OPN5: variants seen among roughly 807,000 people sequenced by gnomAD.
The protein encoded by OPN5 is opsin-5.
In OPN5, 18 loss-of-function variants were observed where a neutral mutation model predicts 41.7. The ratio of observed to expected loss-of-function variants is 0.43; its 90% confidence interval spans 0.30 to 0.64. The LOEUF (loss-of-function observed/expected upper bound fraction) is 0.64, where lower values mean the gene tolerates loss of function less well. Ranked by LOEUF, OPN5 falls within the 30% of genes least tolerant of loss-of-function variation. The pLI, the probability that OPN5 is intolerant of heterozygous loss-of-function variation, is 0.13. For missense variants in OPN5, 318 were observed against 434.5 expected, an observed-to-expected ratio of 0.73 and a Z score of 2.38; for synonymous variants, 178 against 164.3, an observed-to-expected ratio of 1.08 and a Z score of -0.64.
downstream of OPN5, chr6:47,824,844 G>A (rs1762745171): frequency 6.6e-6 from 1 of 150,574 alleles, no homozygotes; most frequent in Admixed American, 6.6e-5. Flanking sequence ...TTTGTCAAAT[G>A]CGATTGAAAT....
chr6:47,785,128 T>G (rs1773164294), intron 1 of OPN5, among the ~76,000 whole-genome samples: 1 of 152,232 alleles, frequency 6.6e-6, no homozygotes, highest in African/African-American at 2.4e-5. Context: ...GAAAGGTGTT[T>G]CAATGAGCCT....
chr6:47,803,078 T>G (rs1773836376), intron 4 of OPN5, among the ~76,000 whole-genome samples: 2 of 152,164 alleles, frequency 1.3e-5, no homozygotes, highest in Admixed American at 6.5e-5. Context: ...GGAGGAAGGT[T>G]TAGGATAGTT....
At chr6:47,820,453 A>T (rs910016756) in intron 6 of OPN5, among the ~76,000 whole-genome samples, 1 of 152,194 alleles carries the variant, frequency 6.6e-6, no homozygotes, top group African/African-American at 2.4e-5. Context: ...TTCTTCTTTC[A>T]TCTCGCTTGA....
chr6:47,785,690 C>CT (rs1263106333), intron 1 of OPN5, among the ~76,000 whole-genome samples: 1 of 152,152 alleles, frequency 6.6e-6, no homozygotes, highest in Non-Finnish European at 1.5e-5. Flanking sequence ...GGGATTGGGT[C>CT]TTTTTGGATT....
At chr6:47,787,929 C>T (rs1773242396) in intron 2 of OPN5, among the ~76,000 whole-genome samples, 1 of 152,124 alleles carries the variant, frequency 6.6e-6, no homozygotes, top group Admixed American at 6.5e-5. Flanking sequence ...TTGTTTCTCT[C>T]TTCGCAAGTG....
intron 6 of OPN5, among the ~76,000 whole-genome samples, chr6:47,814,762 C>T (rs903931014): frequency 4.6e-5 from 7 of 152,106 alleles, no homozygotes; most frequent in African/African-American, 1.7e-4. Flanking sequence ...TCAATTTTAG[C>T]TTAGAAAAGA....
Position 47,795,213 on chromosome 6 carries a change from T to G in OPN5, c.422-16T>G. Reference sequence around the variant, plus strand: ...GGGCAGATTACATCCGGGTAATGCTTTTCTTCCGCCTCCAGGGGTTTGGCT... The same window carrying G: ...GGGCAGATTACATCCGGGTAATGCTGTTCTTCCGCCTCCAGGGGTTTGGCT... On this transcript the variant is annotated splice_polypyrimidine_tract_variant and intron_variant, in intron 3 of 6. Transcript: ENST00000371211. 7.0e-6 allele frequency: 11 copies of G among 1,561,584 alleles called. No homozygotes were observed. Among genetic ancestry groups the G allele is most frequent in the Non-Finnish European group, 9.5e-6 (11 of 1,152,630 alleles).
intron 3 of OPN5, among the ~76,000 whole-genome samples, chr6:47,793,106 C>T (rs1773437889): frequency 2.0e-5 from 3 of 151,364 alleles, no homozygotes; most frequent in East Asian, 1.9e-4. Flanking sequence ...TTCTGTGTGA[C>T]GTCAACATCT....
At chr6:47,805,717 T>C (rs1773934173) in intron 4 of OPN5, among the ~76,000 whole-genome samples, 1 of 152,110 alleles carries the variant, frequency 6.6e-6, no homozygotes, top group African/African-American at 2.4e-5. Context: ...ATTAACTGTC[T>C]AAAACAAAAA....
At chr6:47,815,888 T>G (rs907268036) in intron 6 of OPN5, among the ~76,000 whole-genome samples, 3 of 152,162 alleles carry the variant, frequency 2.0e-5, no homozygotes, top group African/African-American at 7.2e-5. Flanking sequence ...AAAAGTACTT[T>G]AAGAAATTTC....
At chr6:47,798,894 T>A (rs570614375) in intron 4 of OPN5, among the ~76,000 whole-genome samples, 24 of 152,262 alleles carry the variant, frequency 1.6e-4, no homozygotes, top group Admixed American at 8.5e-4. Context: ...GTCAAATTGC[T>A]TGCTCTCTTG....
rs575868359 is a variant in OPN5 at position 47,824,003 on chromosome 6, G to A, written c.*12G>A. 102 of 1,548,462 alleles carry A rather than the reference G, an allele frequency of 6.6e-5. 1 individual carries two copies. The South Asian group carries it at 1.2e-3, about 18-fold the overall frequency. On this transcript the variant is annotated 3_prime_UTR_variant, in exon 7 of 7. Transcript: ENST00000371211. ...TACAGTGGGAATAACAAATGTTCTG[G>A]TTGTGAAGAGTGCATCTGAAGTGCT...
At chr6:47,799,543 G>A (rs1330318321) in intron 4 of OPN5, among the ~76,000 whole-genome samples, 1 of 152,136 alleles carries the variant, frequency 6.6e-6, no homozygotes, top group Non-Finnish European at 1.5e-5. Flanking sequence ...GGGTCACTTT[G>A]CATCTTTGTT....
rs1216897078 is a variant in OPN5, at chr6:47,808,139, G to T, written c.757-15G>T. On this transcript the variant is annotated splice_polypyrimidine_tract_variant and intron_variant, in intron 4 of 6. Transcript: ENST00000371211. The stretch of plus-strand genomic sequence containing the variant: ...AGTCATCTTGATTCTTTTCTCTGTT[G>T]CTTTCCCTCATCAGGTAGCGATGTT... The T allele has an allele frequency of 1.9e-6, 3 of 1,613,476 alleles. No homozygotes were observed. Among genetic ancestry groups the T allele is most frequent in the Non-Finnish European group, 2.5e-6 (3 of 1,179,648 alleles).
At chr6:47,824,155 C>T (rs1308620930) in exon 7 of OPN5, 1 of 632,558 alleles carries the variant, frequency 1.6e-6, no homozygotes, top group Non-Finnish European at 2.9e-6. Flanking sequence ...ATGATGCACC[C>T]TAGGAGTATC....
intron 4 of OPN5, among the ~76,000 whole-genome samples, chr6:47,796,471 A>T (rs1203086684): frequency 1.3e-5 from 2 of 152,234 alleles, no homozygotes; most frequent in Non-Finnish European, 2.9e-5. Flanking sequence ...TGCCATCAAT[A>T]TAAATGACAT....
chr6:47,812,619 G>T (rs552864841), intron 6 of OPN5, among the ~76,000 whole-genome samples: 1 of 152,260 alleles, frequency 6.6e-6, no homozygotes, highest in African/African-American at 2.4e-5. Flanking sequence ...AAGGCACGTA[G>T]ATACTATGTC....
At chr6:47,783,301 G>C (rs1458625850) in intron 1 of OPN5, among the ~76,000 whole-genome samples, 1 of 152,028 alleles carries the variant, frequency 6.6e-6, no homozygotes, top group African/African-American at 2.4e-5. Flanking sequence ...CTTTAGGTTT[G>C]TTTGCCTTTA....
chr6:47,803,725 A>C (rs1773860725), intron 4 of OPN5, among the ~76,000 whole-genome samples: 1 of 152,174 alleles, frequency 6.6e-6, no homozygotes, highest in Non-Finnish European at 1.5e-5. Context: ...TATTAGCTGA[A>C]GTCTTATTTG....
Sources: allele counts gnomAD v4.1 joint callset (sites outside exome capture counted in the v4.1 genomes callset), GRCh38; gene constraint gnomAD v4.1.1; transcripts MANE v1.5; gene names NCBI Gene and HGNC (gene_info 2026-07-23, HGNC 2026-07-21).